The following DMXL1 variants were observed in gnomAD, a reference collection of about 807,000 sequenced individuals.
DMXL1 encodes dmX-like protein 1.
Under a neutral mutation model 319.2 loss-of-function variants are expected in DMXL1, and 99 were observed. That is an observed-to-expected ratio of 0.31 (90% CI 0.26 to 0.37). The LOEUF is 0.37. DMXL1 is among the 10% of genes least tolerant of loss of function. DMXL1 has a pLI of 1.00. For missense variants in DMXL1, 3,745 were observed against 3,595.6 expected, an observed-to-expected ratio of 1.04 and a Z score of -1.06; for synonymous variants, 1,385 against 1,235.2, an observed-to-expected ratio of 1.12 and a Z score of -2.54.
At chr5:119,216,750 G>T in intron 34 of DMXL1, 151 bp from the exon 35 acceptor site, 1 of 515,938 alleles carries the variant, frequency 1.9e-6, no homozygotes, top group Non-Finnish European at 3.4e-6. Flanking sequence ...TTTTGTTTTA[G>T]GGATAATTAG....
intron 34 of DMXL1, among the ~76,000 whole-genome samples, chr5:119,214,086 A>T (rs1052949075): frequency 6.6e-6 from 1 of 152,118 alleles, no homozygotes; most frequent in Non-Finnish European, 1.5e-5. Flanking sequence ...TATAATTTGT[A>T]TGCTGACAAC....
chr5:119,244,640 C>G (rs1014873644), intron 43 of DMXL1, 64 bp downstream of exon 43: 1 of 1,195,812 alleles, frequency 8.4e-7, no homozygotes, highest in Non-Finnish European at 1.2e-6. Context: ...GCTCTTTAAT[C>G]GTATTGATGA....
chr5:119,189,924 C>G, intron 29 of DMXL1, 38 bp downstream of exon 29: 1 of 1,543,898 alleles, frequency 6.5e-7, no homozygotes, highest in Non-Finnish European at 8.9e-7. Context: ...TTTTCATAGT[C>G]AAATAGAAAT....
chr5:119,133,375 G>T lies in DMXL1; in HGVS notation c.1559G>T (p.Arg520Leu). 1 of 1,611,764 alleles carries T rather than the reference G, an allele frequency of 6.2e-7. No homozygotes were observed. The highest frequency in any genetic ancestry group is 8.5e-7 in the Non-Finnish European group (1 of 1,178,146). ...GATGAATACCAGCCTGGTATGTTTC[G>T]TCAAGTACAGGTACTACTGTTATTT... ...WLDEYQPGMF[R>L]QVQVSFVSRI... is the part of the protein sequence containing the mutation. Residue 520 changes from arginine (R) to leucine (L), a missense_variant, in exon 11 of 44, where the codon CGT becomes CTT. By Grantham distance (102) the Arg-to-Leu change is moderately radical. Around this residue, in one of 4 missense-constraint regions of DMXL1, gnomAD observed 2,096 missense variants for 1,985.4 expected, o/e 1.06. Transcript: ENST00000539542.
chr5:119,211,959 T>A lies in DMXL1; in HGVS notation c.7927-4942T>A, dbSNP rs114762137. Among the ~76,000 whole-genome samples, 644 of 152,346 alleles carry A rather than the reference T, an allele frequency of 4.2e-3. 3 individuals carry two copies. Among genetic ancestry groups the A allele is most frequent in the African/African-American group, 0.015 (612 of 41,584 alleles). ...GTAGGATCCTGGTGTTAATCTATTG[T>A]AACTATCTCTTTCTCCTCCAGCTTC... On this transcript the variant is annotated intron_variant, in intron 34 of 43. Coordinates refer to ENST00000539542, the MANE Select transcript of DMXL1 (RefSeq NM_001290321.3).
chr5:119,242,186 T>A (rs1788951628), intron 42 of DMXL1, among the ~76,000 whole-genome samples: 1 of 152,172 alleles, frequency 6.6e-6, no homozygotes, highest in Non-Finnish European at 1.5e-5. Context: ...GTCTGCAAGT[T>A]TTTTCAAATT....
chr5:119,123,442 A>AGAGGAGGGAGAGGGG, intron 9 of DMXL1, among the ~76,000 whole-genome samples: 2 of 103,350 alleles, frequency 1.9e-5, no homozygotes, highest in African/African-American at 4.0e-5. Context: ...AGGGAGAGGG[A>AGAGGAGGGAGAGGGG]GAGGAGGGAG....
At chr5:119,209,509 C>T (rs1782365902) in intron 34 of DMXL1, among the ~76,000 whole-genome samples, 2 of 151,960 alleles carry the variant, frequency 1.3e-5, no homozygotes, top group African/African-American at 4.8e-5. Flanking sequence ...ATCACCATGC[C>T]CAGCTCAATT....
chr5:119,151,734 C>G (rs1034472295), intron 18 of DMXL1, among the ~76,000 whole-genome samples, 195 bp from the exon 19 acceptor site: 6 of 152,064 alleles, frequency 3.9e-5, no homozygotes, highest in Admixed American at 2.6e-4. Flanking sequence ...TCTTTATTCT[C>G]TTTATTATTT....
At chr5:119,175,129 G>T in intron 25 of DMXL1, 132 bp from the exon 26 acceptor site, 2 of 538,742 alleles carry the variant, frequency 3.7e-6, no homozygotes. Flanking sequence ...TAGAAAAAAA[G>T]GAAATAGTTC....
Position 119,235,767 on chromosome 5 carries a change from G to A in DMXL1, c.8467-1555G>A, listed in dbSNP as rs140914949. Among the ~76,000 whole-genome samples the A allele has an allele frequency of 6.4e-4, 97 of 152,174 alleles. 2 individuals carry two copies. In the East Asian group the frequency reaches 0.017, roughly 26 times the overall value. On this transcript the variant is annotated intron_variant, in intron 39 of 43. Transcript: ENST00000539542. ...CCCACCCTGCCACTAAATGTCGTTG[G>A]CCTGTCACAAATAGATAGGAGAACA... is the stretch of plus-strand genomic sequence containing the variant.
intron 19 of DMXL1, among the ~76,000 whole-genome samples, chr5:119,155,923 G>T (rs772285957): frequency 2.0e-5 from 3 of 152,056 alleles, no homozygotes; most frequent in Non-Finnish European, 4.4e-5. Context: ...TCTATTCCTG[G>T]TGAAGATGCA....
At chr5:119,216,763 T>C in intron 34 of DMXL1, 138 bp from the exon 35 acceptor site, 1 of 565,694 alleles carries the variant, frequency 1.8e-6, no homozygotes, top group Non-Finnish European at 3.1e-6. Context: ...ATAATTAGCA[T>C]ATACAATAAT....
chr5:119,092,834 C>T (rs1755088851), intron 1 of DMXL1, among the ~76,000 whole-genome samples: 1 of 152,170 alleles, frequency 6.6e-6, no homozygotes, highest in African/African-American at 2.4e-5. Context: ...TTTACTAGTA[C>T]TTTTTATGGC....
intron 19 of DMXL1, among the ~76,000 whole-genome samples, chr5:119,157,602 G>A (rs995654114): frequency 3.9e-5 from 6 of 152,176 alleles, no homozygotes; most frequent in Middle Eastern, 3.4e-3. Flanking sequence ...GTGTGTTCCT[G>A]GCACGTTTGA....
chr5:119,071,387 C>A lies in DMXL1; in HGVS notation c.-183C>A. On this transcript the variant is annotated 5_prime_UTR_variant, in exon 1 of 44. Transcript: ENST00000539542. ...CCGACCCGCCCCCTCCGGGCCTCGC[C>A]CTCCGGGGCTCGGGATGAGTCGCGG... 3.4e-6 allele frequency: 2 copies of A among 589,690 alleles called. No individual in the cohort carries two copies. The highest frequency in any genetic ancestry group is 2.9e-6 in the Non-Finnish European group (1 of 344,920). The allele number at this position is 589,690 out of a possible 1,614,324, so 36.5% of individuals were successfully genotyped here.
Position 119,122,127 on chromosome 5 carries a change from G to A in DMXL1, c.1102+988G>A, listed in dbSNP as rs1379539836. On this transcript the variant is annotated intron_variant, in intron 9 of 43. Transcript: ENST00000539542. The stretch of plus-strand genomic sequence containing the variant: ...TCCCTCCCGGACGGGGCGGCTGGCC[G>A]GGCGGGGGGCTGACCCCCCCACCTC... 1.0e-3 allele frequency among the ~76,000 whole-genome samples: 138 copies of A among 138,574 alleles called. 2 individuals carry two copies. Among genetic ancestry groups the A allele is most frequent in the Non-Finnish European group, 1.1e-3 (70 of 63,472 alleles). The allele number at this position is 138,574 out of a possible 152,430, so 90.9% of individuals were successfully genotyped here.
chr5:119,146,722 T>C, intron 15 of DMXL1, 115 bp from the exon 16 acceptor site: 2 of 959,772 alleles, frequency 2.1e-6, no homozygotes, highest in South Asian at 4.0e-5. Context: ...TTTGAAGCCT[T>C]AGGTAAAAGT....
chr5:119,183,121 C>T (rs1344519713), intron 28 of DMXL1, among the ~76,000 whole-genome samples: 1 of 152,012 alleles, frequency 6.6e-6, no homozygotes, highest in African/African-American at 2.4e-5. Flanking sequence ...ATATTTTTTA[C>T]TATGAGATTG....
Sources: gnomAD v4.1 joint callset for allele counts (sites outside exome capture counted in the v4.1 genomes callset) on GRCh38, gnomAD v4.1.1 for gene constraint, gnomAD v4.1.1 regional missense constraint, MANE v1.5 for transcripts, NCBI Gene and HGNC (gene_info 2026-07-23, HGNC 2026-07-21) for gene names.